SPATA13: variants seen among roughly 807,000 people sequenced by gnomAD.
SPATA13 encodes the protein spermatogenesis associated 13, also known as spermatogenesis-associated protein 13.
SPATA13 carries 50 observed loss-of-function variants against 104.0 expected under a neutral mutation model. The observed-to-expected ratio is 0.48, with a 90% CI of 0.38 to 0.61. The LOEUF (loss-of-function observed/expected upper bound fraction) is 0.61, where lower values mean the gene tolerates loss of function less well. Among genes scored for constraint, SPATA13 ranks in the 20% least tolerant of loss-of-function variants. SPATA13 has a pLI of 0.00. For missense variants in SPATA13, 1,524 were observed against 1,690.6 expected (o/e 0.90, Z 1.73); for synonymous variants, 606 against 667.5 (o/e 0.91, Z 1.42).
At chr13:24,061,883 A>C (rs1338086570) in intron 3 of SPATA13, among the ~76,000 whole-genome samples, 3 of 151,168 alleles carry the variant, frequency 2.0e-5, no homozygotes, top group Admixed American at 6.6e-5. Flanking sequence ...AAAAAAATTA[A>C]AAATTAAAAA....
intron 2 of SPATA13, among the ~76,000 whole-genome samples, chr13:24,000,997 C>T (rs1027465836): frequency 2.6e-5 from 4 of 152,132 alleles, no homozygotes; most frequent in Non-Finnish European, 5.9e-5. Context: ...CAGCTTCTCC[C>T]CACTCCGAGT....
At chr13:24,245,001 T>C (rs1034898563) in intron 2 of SPATA13, among the ~76,000 whole-genome samples, 2 of 152,228 alleles carry the variant, frequency 1.3e-5, no homozygotes, top group African/African-American at 4.8e-5. Context: ...TTGTTTGGAC[T>C]AGGGCAGAGC....
At chr13:24,078,205 T>G (rs1879395112) in intron 3 of SPATA13, among the ~76,000 whole-genome samples, 2 of 152,166 alleles carry the variant, frequency 1.3e-5, no homozygotes, top group Non-Finnish European at 1.5e-5. Context: ...GCCAAGAGAC[T>G]TGGTGCTGCC....
chr13:23,996,409 C>CA (rs35654406), intron 2 of SPATA13, among the ~76,000 whole-genome samples: 114,773 of 151,706 alleles, frequency 0.76, 43,655 homozygotes, highest in Non-Finnish European at 0.8. Flanking sequence ...TTCAATTGGG[C>CA]AAAAAACGAT....
intron 1 of SPATA13, among the ~76,000 whole-genome samples, chr13:24,210,563 G>GT (rs1417322284): frequency 6.6e-6 from 1 of 152,062 alleles, no homozygotes; most frequent in Admixed American, 6.6e-5. Flanking sequence ...AGTTGACCGT[G>GT]TATGCATGGG....
intron 2 of SPATA13, among the ~76,000 whole-genome samples, chr13:24,015,916 G>T (rs1460891644): frequency 6.6e-6 from 1 of 152,216 alleles, no homozygotes; most frequent in Non-Finnish European, 1.5e-5. Flanking sequence ...CAGGCAGTGG[G>T]ATTTGAGCAT....
chr13:24,267,496 A>G (rs1195182820), intron 4 of SPATA13, among the ~76,000 whole-genome samples: 1 of 152,236 alleles, frequency 6.6e-6, no homozygotes, highest in African/African-American at 2.4e-5. Context: ...CTTGGGAAAC[A>G]GAAACTATCC....
upstream of SPATA13, chr13:24,160,646 T>A (rs372957214): frequency 1.7e-4 from 147 of 858,344 alleles, no homozygotes; most frequent in East Asian, 0.016. Context: ...GGGCGTGGCC[T>A]GATATGGGGC....
intron 2 of SPATA13, among the ~76,000 whole-genome samples, chr13:24,008,427 G>A (rs970709955): frequency 2.0e-5 from 3 of 152,204 alleles, no homozygotes; most frequent in Non-Finnish European, 4.4e-5. Context: ...TCCATAGCCG[G>A]CAGCTCTTAG....
chr13:24,299,870 G>A (rs781694342), intron 11 of SPATA13, among the ~76,000 whole-genome samples: 6 of 152,166 alleles, frequency 3.9e-5, no homozygotes, highest in South Asian at 4.1e-4. Flanking sequence ...CACTGCACAC[G>A]TACACTGTCA....
At chr13:24,187,683 T>C (rs1400812350) in intron 1 of SPATA13, among the ~76,000 whole-genome samples, 1 of 152,188 alleles carries the variant, frequency 6.6e-6, no homozygotes, top group African/African-American at 2.4e-5. Flanking sequence ...ATGTTACTAT[T>C]GTAATTGTTT....
intron 3 of SPATA13, among the ~76,000 whole-genome samples, chr13:24,043,935 G>A (rs1159038948): frequency 6.6e-6 from 1 of 152,184 alleles, no homozygotes; most frequent in African/African-American, 2.4e-5. Context: ...CTTGGGAAGT[G>A]GGGTTAGTTT....
intron 3 of SPATA13, among the ~76,000 whole-genome samples, chr13:24,039,882 C>A (rs1363437690): frequency 6.6e-6 from 1 of 152,198 alleles, no homozygotes. Context: ...GCACCGTCCC[C>A]ACCAAAGACA....
Position 24,205,019 on chromosome 13 carries a change from A to G in SPATA13, c.-111-17800A>G, listed in dbSNP as rs1203092724. Reference sequence around the variant, plus strand: ...GTAAAAGCCGGAAGGATTCCCCTTGAAAACCGACACAAGACAAGAATGGCC... The same window carrying G: ...GTAAAAGCCGGAAGGATTCCCCTTGGAAACCGACACAAGACAAGAATGGCC... On this transcript the variant is annotated intron_variant, in intron 1 of 12. Coordinates refer to ENST00000382108, the MANE Select transcript of SPATA13 (RefSeq NM_001166271.3). This position sits in a 1 kb window ranked among gnomAD's most constrained non-coding sequence, Gnocchi z 4.1. Among the ~76,000 whole-genome samples the G allele has an allele frequency of 2.0e-5, 3 of 152,228 alleles. No individual in the cohort carries two copies. Among genetic ancestry groups the G allele is most frequent in the Admixed American group, 6.5e-5 (1 of 15,282 alleles).
intron 1 of SPATA13, among the ~76,000 whole-genome samples, chr13:24,202,589 CT>C (rs11396232): frequency 8.6e-4 from 107 of 123,806 alleles, no homozygotes; most frequent in African/African-American, 1.2e-3. Flanking sequence ...GTTCCTGTGA[CT>C]TTTTTTTTTT....
chr13:24,065,784 T>C (rs548739301), intron 3 of SPATA13, among the ~76,000 whole-genome samples: 1 of 152,374 alleles, frequency 6.6e-6, no homozygotes, highest in South Asian at 2.1e-4. Flanking sequence ...AATAGTTCTT[T>C]CGACAATGCT....
At chr13:24,167,280 G>A (rs906585536) in intron 1 of SPATA13, among the ~76,000 whole-genome samples, 4 of 152,210 alleles carry the variant, frequency 2.6e-5, no homozygotes, top group Non-Finnish European at 4.4e-5. Context: ...GTGGCACCAC[G>A]TCTGTTGTGT....
Position 24,304,046 on chromosome 13 carries a change from C to G in SPATA13, c.*1273C>G, listed in dbSNP as rs1048021872. 1 of 152,238 alleles carries G rather than the reference C, an allele frequency of 6.6e-6. No individual in the cohort carries two copies. Among genetic ancestry groups the G allele is most frequent in the South Asian group, 2.1e-4 (1 of 4,832 alleles). The allele number at this position is 152,238 out of a possible 1,614,324, so 9.4% of individuals were successfully genotyped here. ...CAAAGAGCCGCACTGCTCCTGACAT[C>G]GTCCTTAGCAATGAAGTCACAAAGA... On this transcript the variant is annotated 3_prime_UTR_variant, in exon 13 of 13. Coordinates refer to ENST00000382108, the MANE Select transcript of SPATA13 (RefSeq NM_001166271.3).
intron 3 of SPATA13, among the ~76,000 whole-genome samples, chr13:24,135,436 G>A (rs1566116643): frequency 6.6e-6 from 1 of 152,036 alleles, no homozygotes; most frequent in Non-Finnish European, 1.5e-5. Flanking sequence ...AGTGGCTCAC[G>A]CCTGTAATCC....
Sources: gnomAD v4.1 joint callset for allele counts (sites outside exome capture counted in the v4.1 genomes callset) on GRCh38, gnomAD v4.1.1 for gene constraint, Gnocchi (gnomAD v3.1) non-coding constraint, MANE v1.5 for transcripts, NCBI Gene and HGNC (gene_info 2026-07-23, HGNC 2026-07-21) for gene names.